The following GRM5 variants were observed in gnomAD, a reference collection of about 807,000 sequenced individuals.
GRM5 encodes metabotropic glutamate receptor 5.
A neutral mutation model predicts 83.1 loss-of-function variants in GRM5; 19 were observed. That is an observed-to-expected ratio of 0.23 (90% confidence interval 0.16 to 0.34). The LOEUF (loss-of-function observed/expected upper bound fraction) is 0.34, where lower values mean the gene tolerates loss of function less well. GRM5 is among the 10% of genes least tolerant of loss of function. GRM5 has a pLI of 1.00. For missense variants in GRM5, 1,160 were observed against 1,588.3 expected (o/e 0.73, Z 4.58); for synonymous variants, 675 against 633.6 (o/e 1.07, Z -0.98).
At chr11:88,639,700 G>A (rs1002035710) in intron 4 of GRM5, among the ~76,000 whole-genome samples, 1 of 151,514 alleles carries the variant, frequency 6.6e-6, no homozygotes, top group African/African-American at 2.4e-5. Context: ...CCATTCTCCT[G>A]CCTCAGCCTC....
chr11:88,975,358 C>T (rs954303051), intron 2 of GRM5, among the ~76,000 whole-genome samples: 1 of 152,152 alleles, frequency 6.6e-6, no homozygotes, highest in Admixed American at 6.6e-5. Context: ...TACATTAATG[C>T]TTCTCAAACT....
At position 88,849,893 on chromosome 11, in the gene GRM5, T is replaced by C. The variant is rs1383469743; in HGVS notation, c.911+13A>G. 1 of 1,613,014 alleles carries C rather than the reference T, an allele frequency of 6.2e-7. No individual in the cohort carries two copies. The highest frequency in any genetic ancestry group is 8.5e-7 in the Non-Finnish European group (1 of 1,179,270). ...GGTATTAACTCCATGTAAATTTTCT[T>C]ATTATCACTCACCTGCCCAGAAGCA... On this transcript the variant is annotated intron_variant, in intron 3 of 9. Transcript: ENST00000305447.
intron 2 of GRM5, among the ~76,000 whole-genome samples, chr11:89,018,986 TC>T (rs1940920988): frequency 6.6e-6 from 1 of 152,162 alleles, no homozygotes; most frequent in Admixed American, 6.5e-5. Context: ...AGTTCAGACT[TC>T]CTTAGTGTCT....
intron 2 of GRM5, among the ~76,000 whole-genome samples, chr11:88,905,078 T>C (rs1346882246): frequency 1.3e-5 from 2 of 152,182 alleles, no homozygotes; most frequent in East Asian, 3.9e-4. Flanking sequence ...GAAGATTCAG[T>C]TCAGATGTGT....
At chr11:88,615,810 G>A (rs1389544812) in intron 4 of GRM5, among the ~76,000 whole-genome samples, 1 of 151,930 alleles carries the variant, frequency 6.6e-6, no homozygotes. Flanking sequence ...TGGTAAATTG[G>A]GGAATTTTCT....
At chr11:88,914,356 C>T (rs986645290) in intron 2 of GRM5, among the ~76,000 whole-genome samples, 7 of 152,172 alleles carry the variant, frequency 4.6e-5, no homozygotes, top group African/African-American at 1.7e-4. Flanking sequence ...ATAGTAGTGA[C>T]CAATCACATC....
intron 3 of GRM5, among the ~76,000 whole-genome samples, chr11:88,700,801 T>G (rs1475245955): frequency 2.0e-5 from 3 of 152,124 alleles, no homozygotes; most frequent in African/African-American, 7.2e-5. Context: ...GCTACACATA[T>G]ACAGCAATGG....
intron 2 of GRM5, chr11:88,925,776 G>T (rs1465389143): frequency 6.6e-6 from 3 of 452,700 alleles, no homozygotes; most frequent in Non-Finnish European, 1.3e-5. Flanking sequence ...CCTGGGTGTG[G>T]TACATGCCTG....
intron 2 of GRM5, among the ~76,000 whole-genome samples, chr11:89,014,180 T>C (rs905635774): frequency 2.6e-5 from 4 of 152,094 alleles, no homozygotes; most frequent in South Asian, 2.1e-4. Flanking sequence ...AATACAACAC[T>C]ACAGGTATCT....
chr11:88,629,864 T>C (rs1046199526), intron 4 of GRM5, among the ~76,000 whole-genome samples: 1 of 152,200 alleles, frequency 6.6e-6, no homozygotes, highest in Non-Finnish European at 1.5e-5. Context: ...GCTTCATGTC[T>C]CAATTGAGTA....
At chr11:88,653,485 T>C (rs924204382) in intron 3 of GRM5, 82 bp from the exon 4 acceptor site, 6 of 892,628 alleles carry the variant, frequency 6.7e-6, no homozygotes, top group Middle Eastern at 2.2e-4. Context: ...TTTGACAAGA[T>C]TAGTCATTAA....
chr11:88,959,649 C>T (rs1458559079), intron 2 of GRM5, among the ~76,000 whole-genome samples: 15 of 152,116 alleles, frequency 9.9e-5, no homozygotes, highest in Non-Finnish European at 1.9e-4. Context: ...AGACTACTAA[C>T]ACCCTTCCTT....
intron 2 of GRM5, among the ~76,000 whole-genome samples, chr11:88,858,876 T>TG (rs767879248): frequency 1.6e-4 from 25 of 152,024 alleles, no homozygotes; most frequent in Non-Finnish European, 3.1e-4. Flanking sequence ...TGGAACTATT[T>TG]GGGAGTCCTC....
At chr11:88,838,033 C>T (rs1236475350) in intron 3 of GRM5, among the ~76,000 whole-genome samples, 1 of 134,930 alleles carries the variant, frequency 7.4e-6, no homozygotes, top group Non-Finnish European at 1.5e-5. Context: ...TGCAGTGAGA[C>T]CAGATCGCGC....
chr11:88,769,273 A>G (rs547244242), intron 3 of GRM5, among the ~76,000 whole-genome samples: 57 of 152,218 alleles, frequency 3.7e-4, no homozygotes, highest in African/African-American at 1.3e-3. Context: ...GACAACAATA[A>G]GAACTCATGT....
At chr11:88,864,732 T>C (rs1455929814) in intron 2 of GRM5, among the ~76,000 whole-genome samples, 1 of 152,036 alleles carries the variant, frequency 6.6e-6, no homozygotes, top group Non-Finnish European at 1.5e-5. Context: ...GAGGGCATCC[T>C]TGTCTTGTGC....
chr11:88,613,820 A>T (rs1264036583), intron 4 of GRM5, among the ~76,000 whole-genome samples: 2 of 152,050 alleles, frequency 1.3e-5, no homozygotes, highest in Non-Finnish European at 2.9e-5. Flanking sequence ...TGCACTTTGA[A>T]CTCTGGATCA....
At chr11:88,525,462 G>T in intron 8 of GRM5, 58 bp from the exon 9 acceptor site, 1 of 1,059,634 alleles carries the variant, frequency 9.4e-7, no homozygotes, top group Non-Finnish European at 1.5e-6. Flanking sequence ...GTGCTTAACT[G>T]CCAGGCTGAG....
At chr11:88,524,765 GA>G (rs966529353) in intron 9 of GRM5, among the ~76,000 whole-genome samples, 1 of 152,204 alleles carries the variant, frequency 6.6e-6, no homozygotes, top group African/African-American at 2.4e-5. Flanking sequence ...TTCAGTTTGA[GA>G]AAAGCCACTT....
Sources: allele counts gnomAD v4.1 joint callset (sites outside exome capture counted in the v4.1 genomes callset), GRCh38; gene constraint gnomAD v4.1.1; transcripts MANE v1.5; gene names NCBI Gene and HGNC (gene_info 2026-07-23, HGNC 2026-07-21).